The following VCF2 variants were observed in gnomAD, a reference collection of about 807,000 sequenced individuals.
The protein encoded by VCF2 is VCP nuclear cofactor family member 2, also known as protein VCF2.
At chrX:55,149,731 G>A in the VCF2 span, among the ~76,000 whole-genome samples, 2 of 111,583 alleles carry the variant, frequency 1.8e-5, no homozygotes, top group Admixed American at 9.5e-5. Flanking sequence ...GAAAAATAAA[G>A]GTTATGAAAA....
the VCF2 span, chrX:55,160,822 A>G: frequency 1.2e-5 from 14 of 1,153,174 alleles, no homozygotes; most frequent in African/African-American, 1.4e-4. Flanking sequence ...GAGGGACCAC[A>G]TCCCCACCTC....
the VCF2 span, among the ~76,000 whole-genome samples, chrX:55,147,931 A>T: frequency 9.0e-6 from 1 of 111,168 alleles, no homozygotes; most frequent in Non-Finnish European, 1.9e-5. Context: ...TATGCTATCA[A>T]TATTTTTATT....
the VCF2 span, among the ~76,000 whole-genome samples, chrX:55,153,347 A>G: frequency 1.0e-5 from 1 of 99,069 alleles, no homozygotes; most frequent in Middle Eastern, 5.0e-3. Flanking sequence ...TTAAATTTTT[A>G]TTTATTAATT....
At chrX:55,161,006 C>G in the VCF2 span, 1 of 1,166,460 alleles carries the variant, frequency 8.6e-7, no homozygotes, top group African/African-American at 1.8e-5. Context: ...CGCCACCAAC[C>G]CCGGAAGAAA....
At chrX:55,161,066 A>G in the VCF2 span, 2 of 1,198,289 alleles carry the variant, frequency 1.7e-6, no homozygotes, top group Non-Finnish European at 2.3e-6. Flanking sequence ...TTGGCTGAGA[A>G]AGCAAAGCGT....
chrX:55,161,111 G>A, the VCF2 span: 1 of 1,207,461 alleles, frequency 8.3e-7, no homozygotes, highest in Non-Finnish European at 1.1e-6. Flanking sequence ...GACTGGTACC[G>A]GCCGGAAAGG....
At chrX:55,149,789 A>ATTT in the VCF2 span, among the ~76,000 whole-genome samples, 1 of 112,163 alleles carries the variant, frequency 8.9e-6, no homozygotes, top group Middle Eastern at 4.6e-3. Context: ...AAACTTAATA[A>ATTT]ATTTGTTTGG....
chrX:55,148,659 A>C, the VCF2 span, among the ~76,000 whole-genome samples: 1 of 111,472 alleles, frequency 9.0e-6, no homozygotes. Context: ...AGTTGTCTAT[A>C]ATTAAAGGGA....
At chrX:55,156,534 T>C in the VCF2 span, among the ~76,000 whole-genome samples, 50 of 112,197 alleles carry the variant, frequency 4.5e-4, no homozygotes, top group African/African-American at 1.2e-3. Context: ...ACTAGAAACA[T>C]TGTGGAATCT....
the VCF2 span, among the ~76,000 whole-genome samples, chrX:55,144,238 T>A: frequency 9.0e-6 from 1 of 111,530 alleles, no homozygotes; most frequent in Non-Finnish European, 1.9e-5. Flanking sequence ...TATTTCTGAA[T>A]CCTGTTGTGT....
chrX:55,152,741 G>A, the VCF2 span, among the ~76,000 whole-genome samples: 8 of 111,671 alleles, frequency 7.2e-5, no homozygotes, highest in East Asian at 2.8e-4. Flanking sequence ...TTTTTAAAGC[G>A]ACATACCTTT....
the VCF2 span, among the ~76,000 whole-genome samples, chrX:55,144,227 G>T: frequency 1.8e-5 from 2 of 111,135 alleles, no homozygotes; most frequent in African/African-American, 6.5e-5. Flanking sequence ...TTCTTCCTGG[G>T]TATTTCTGAA....
the VCF2 span, among the ~76,000 whole-genome samples, chrX:55,158,700 A>T: frequency 9.0e-6 from 1 of 111,557 alleles, no homozygotes; most frequent in African/African-American, 3.3e-5. Context: ...AAAAACTTCA[A>T]ACTCTTTTTC....
At chrX:55,161,010 G>A in the VCF2 span, 1 of 1,168,484 alleles carries the variant, frequency 8.6e-7, no homozygotes, top group Non-Finnish European at 1.1e-6. Flanking sequence ...ACCAACCCCG[G>A]AAGAAAATAC....
At chrX:55,160,064 C>T in the VCF2 span, among the ~76,000 whole-genome samples, 2 of 112,126 alleles carry the variant, frequency 1.8e-5, no homozygotes. Context: ...AGACTGAGTA[C>T]TGAGTACAAA....
the VCF2 span, among the ~76,000 whole-genome samples, chrX:55,150,031 G>T: frequency 5.4e-5 from 6 of 111,718 alleles, no homozygotes; most frequent in African/African-American, 1.6e-4. Context: ...TTCTAAATTT[G>T]GTCCTCATTA....
the VCF2 span, among the ~76,000 whole-genome samples, chrX:55,155,973 G>A: frequency 1.2e-4 from 10 of 86,521 alleles, no homozygotes; most frequent in South Asian, 6.1e-4. Flanking sequence ...AGAGGAAGTC[G>A]CACTCTGTCA....
At chrX:55,143,331 C>T in the VCF2 span, 2 of 112,772 alleles carry the variant, frequency 1.8e-5, no homozygotes, top group African/African-American at 6.5e-5. Context: ...GTTTTCTCTA[C>T]TTATAACCTT....
the VCF2 span, among the ~76,000 whole-genome samples, chrX:55,148,735 C>T: frequency 1.1e-3 from 121 of 111,382 alleles, 1 homozygote; most frequent in African/African-American, 3.7e-3. Context: ...ACTAAAGAAT[C>T]AGTTAGAGCA....
Sources: allele counts gnomAD v4.1 joint callset (sites outside exome capture counted in the v4.1 genomes callset), GRCh38; gene constraint gnomAD v4.1.1; transcripts MANE v1.5; gene names NCBI Gene and HGNC (gene_info 2026-07-23, HGNC 2026-07-21).